The following COL4A1 variants were observed in gnomAD, a reference collection of about 807,000 sequenced individuals.
COL4A1 encodes the protein collagen alpha-1(IV) chain.
A neutral mutation model predicts 216.6 loss-of-function variants in COL4A1; 40 were observed. The ratio of observed to expected loss-of-function variants is 0.18; its 90% CI spans 0.14 to 0.24. The LOEUF (loss-of-function observed/expected upper bound fraction) is 0.24. COL4A1 is among the 10% of genes least tolerant of loss of function. The probability of loss-of-function intolerance (pLI) is 1.00; values close to 1 mark genes in which losing one functional copy is unlikely to be tolerated. For synonymous variants in COL4A1, 839 were observed against 810.7 expected (o/e 1.03, Z -0.59); for missense variants, 1,628 against 2,196.8 (o/e 0.74, Z 5.18).
At chr13:110,201,131 G>A (rs1879171981) in intron 19 of COL4A1, among the ~76,000 whole-genome samples, 1 of 151,954 alleles carries the variant, frequency 6.6e-6, no homozygotes. Context: ...AGGAGACCTG[G>A]TCACAGACAG....
At chr13:110,163,092 A>C (rs1373280628) in intron 47 of COL4A1, among the ~76,000 whole-genome samples, 2 of 152,190 alleles carry the variant, frequency 1.3e-5, no homozygotes, top group Non-Finnish European at 2.9e-5. Flanking sequence ...AAGCAGATCA[A>C]GTTCATCCCA....
chr13:110,168,819 ACG>A (rs1212056686), intron 43 of COL4A1, among the ~76,000 whole-genome samples: 1 of 152,140 alleles, frequency 6.6e-6, no homozygotes, highest in Non-Finnish European at 1.5e-5. Flanking sequence ...CTTTCTCCTA[ACG>A]TGTGTTAGAG....
At chr13:110,184,682 G>C (rs115937357) in intron 26 of COL4A1, among the ~76,000 whole-genome samples, 1,603 of 136,832 alleles carry the variant, frequency 0.012, 16 homozygotes, top group Middle Eastern at 0.049. Flanking sequence ...GAACTGGACT[G>C]TGTGTGTGTG....
chr13:110,301,374 C>T (rs1478985471), intron 1 of COL4A1, among the ~76,000 whole-genome samples: 1 of 152,210 alleles, frequency 6.6e-6, no homozygotes, highest in Non-Finnish European at 1.5e-5. Flanking sequence ...TATGTCCTGG[C>T]AAGTGTTGGA....
chr13:110,192,160 A>G, intron 24 of COL4A1, 54 bp downstream of exon 24: 1 of 1,566,008 alleles, frequency 6.4e-7, no homozygotes, highest in South Asian at 1.1e-5. Context: ...AACTCTGTCC[A>G]CGTGCTTGGT....
chr13:110,251,660 C>T (rs1021102765), intron 1 of COL4A1, among the ~76,000 whole-genome samples: 2 of 152,158 alleles, frequency 1.3e-5, no homozygotes, highest in Admixed American at 6.5e-5. Flanking sequence ...AGCTGAGTTG[C>T]GAAAAGTCAG....
At chr13:110,194,996 C>T (rs1174917588) in intron 22 of COL4A1, 27 bp downstream of exon 22, 10 of 1,595,630 alleles carry the variant, frequency 6.3e-6, no homozygotes, top group Admixed American at 1.7e-5. Flanking sequence ...ACACAACCAC[C>T]ATTTTAAAAA....
rs1340465495 is a variant in COL4A1, at chr13:110,211,658, G to A, written c.457C>T (p.Pro153Ser). 1 of 1,612,164 alleles carries A rather than the reference G, an allele frequency of 6.2e-7. No individual in the cohort carries two copies. Among genetic ancestry groups the A allele is most frequent in the East Asian group, 2.2e-5 (1 of 44,864 alleles). Residue 153 changes from proline (P) to serine (S), a missense_variant, in exon 8 of 52, where the codon CCA becomes TCA. By Grantham distance (74) the Pro-to-Ser change is moderately conservative. Around this residue, in one of 8 missense-constraint regions of COL4A1, gnomAD observed 150 missense variants for 211.9 expected, o/e 0.71. Coordinates refer to ENST00000375820, the MANE Select transcript of COL4A1 (RefSeq NM_001845.6). The surrounding 1 kb of genome is among the most constrained non-coding windows in gnomAD (Gnocchi z 4.3). ...FAGNPGPPGL[P>S]GMKGDPGEIL... is the part of the protein sequence containing the mutation. ...AAAATAAAATGTACCTTCATCCCTGGTAAGCCTGGTGGTCCCTAAAAAAGA... is the reference window on the plus strand; with the variant it reads ...AAAATAAAATGTACCTTCATCCCTGATAAGCCTGGTGGTCCCTAAAAAAGA...
intron 29 of COL4A1, among the ~76,000 whole-genome samples, chr13:110,180,620 C>T (rs961636085): frequency 1.3e-5 from 2 of 152,248 alleles, no homozygotes; most frequent in African/African-American, 2.4e-5. Flanking sequence ...AGGATCTAAT[C>T]GGTAGTCGCT....
At chr13:110,305,547 G>A (rs1376673105) in intron 1 of COL4A1, among the ~76,000 whole-genome samples, 3 of 152,180 alleles carry the variant, frequency 2.0e-5, no homozygotes, top group Non-Finnish European at 2.9e-5. Flanking sequence ...CCTTGGAAGC[G>A]TTCAATCTTT....
At chr13:110,239,682 C>T (rs1176237624) in intron 2 of COL4A1, among the ~76,000 whole-genome samples, 1 of 152,166 alleles carries the variant, frequency 6.6e-6, no homozygotes, top group African/African-American at 2.4e-5. Flanking sequence ...GTCGGCATTT[C>T]TAGGGCTGGG....
intron 1 of COL4A1, among the ~76,000 whole-genome samples, chr13:110,269,773 G>T (rs1883180543): frequency 6.6e-6 from 1 of 151,886 alleles, no homozygotes; most frequent in African/African-American, 2.4e-5. Flanking sequence ...AGAGGCCTTT[G>T]TATGAGATTC....
At chr13:110,280,560 T>C (rs1883590681) in intron 1 of COL4A1, among the ~76,000 whole-genome samples, 1 of 152,258 alleles carries the variant, frequency 6.6e-6, no homozygotes, top group African/African-American at 2.4e-5. Flanking sequence ...AAATCATGGT[T>C]TGCTTTGGCT....
chr13:110,250,192 T>C (rs1407770109), intron 1 of COL4A1, among the ~76,000 whole-genome samples: 2 of 146,622 alleles, frequency 1.4e-5, no homozygotes, highest in Non-Finnish European at 1.5e-5. Context: ...CAAGAGTTGA[T>C]ACATTCTTGG....
Position 110,201,419 on chromosome 13 carries a change from A to C in COL4A1, c.1084+19T>G. 6.3e-7 allele frequency: 1 copy of C among 1,588,254 alleles called. No homozygotes were observed. Among genetic ancestry groups the C allele is most frequent in the South Asian group, 1.1e-5 (1 of 90,330 alleles). On this transcript the variant is annotated intron_variant, in intron 19 of 51. Coordinates refer to ENST00000375820, the MANE Select transcript of COL4A1 (RefSeq NM_001845.6). Reference sequence around the variant, plus strand: ...AGGAGGGGGAGTAGGAGGAGGGGGGAAAAAGGCAAGAAAGCTACCTTTTGG... The same window carrying C: ...AGGAGGGGGAGTAGGAGGAGGGGGGCAAAAGGCAAGAAAGCTACCTTTTGG...
At chr13:110,266,759 T>A (rs1883052114) in intron 1 of COL4A1, among the ~76,000 whole-genome samples, 1 of 152,192 alleles carries the variant, frequency 6.6e-6, no homozygotes, top group Non-Finnish European at 1.5e-5. Context: ...CTAAGGGAGA[T>A]GACCTTTACA....
intron 1 of COL4A1, among the ~76,000 whole-genome samples, chr13:110,304,915 T>C (rs1884626214): frequency 6.6e-6 from 1 of 152,240 alleles, no homozygotes; most frequent in Non-Finnish European, 1.5e-5. Flanking sequence ...CACAGCATCT[T>C]ATCATTCAAA....
intron 2 of COL4A1, among the ~76,000 whole-genome samples, chr13:110,214,562 T>C (rs775200094): frequency 7.2e-5 from 11 of 152,124 alleles, no homozygotes; most frequent in South Asian, 2.1e-4. Context: ...GGTGTCATTG[T>C]TAGTTGAGGC....
chr13:110,214,048 C>T, intron 2 of COL4A1, 33 bp from the exon 3 acceptor site: 1 of 1,581,084 alleles, frequency 6.3e-7, no homozygotes, highest in Non-Finnish European at 8.7e-7. Flanking sequence ...AGGCAAAAGG[C>T]AGCAGTAAAG....
Sources: allele counts gnomAD v4.1 joint callset (sites outside exome capture counted in the v4.1 genomes callset), GRCh38; gene constraint gnomAD v4.1.1; regional missense constraint gnomAD v4.1.1; non-coding constraint Gnocchi (gnomAD v3.1); transcripts MANE v1.5; gene names NCBI Gene and HGNC (gene_info 2026-07-23, HGNC 2026-07-21).